Variants in ZFHX3 observed in about 807,000 individuals in gnomAD.
ZFHX3 encodes the protein zinc finger homeobox protein 3.
ZFHX3 carries 42 observed loss-of-function variants against 279.1 expected under a neutral mutation model. That is an observed-to-expected ratio of 0.15 (90% confidence interval 0.12 to 0.19). ZFHX3 has a LOEUF of 0.19. Among genes scored for constraint, ZFHX3 ranks in the 10% least tolerant of loss-of-function variants. The pLI, the probability that ZFHX3 is intolerant of heterozygous loss-of-function variation, is 1.00. For synonymous variants in ZFHX3, 2,293 were observed against 1,957.8 expected (o/e 1.17, Z -4.52); for missense variants, 4,981 against 4,754.0 (o/e 1.05, Z -1.40).
intron 3 of ZFHX3, among the ~76,000 whole-genome samples, chr16:73,414,456 T>G (rs2017530906): frequency 6.6e-6 from 1 of 152,262 alleles, no homozygotes; most frequent in Admixed American, 6.5e-5. Context: ...TGGGACAAAT[T>G]GGCCACTCGT....
chr16:73,773,487 A>T (rs1289329900), intron 1 of ZFHX3, among the ~76,000 whole-genome samples: 1 of 152,208 alleles, frequency 6.6e-6, no homozygotes, highest in Non-Finnish European at 1.5e-5. Flanking sequence ...GTCTCTGGGG[A>T]TAAGCAGTGA....
chr16:73,729,922 A>G (rs1308489541), intron 1 of ZFHX3, among the ~76,000 whole-genome samples: 3 of 152,204 alleles, frequency 2.0e-5, no homozygotes, highest in Non-Finnish European at 4.4e-5. Context: ...AAAAATATGT[A>G]CAGCTAACTA....
At chr16:72,816,095 A>G (rs1054259581) in intron 5 of ZFHX3, among the ~76,000 whole-genome samples, 2 of 152,174 alleles carry the variant, frequency 1.3e-5, no homozygotes, top group Non-Finnish European at 2.9e-5. Flanking sequence ...AAAAAAGACT[A>G]GAAGAAAATG....
At chr16:73,520,682 T>C (rs2019594970) in intron 2 of ZFHX3, among the ~76,000 whole-genome samples, 1 of 152,218 alleles carries the variant, frequency 6.6e-6, no homozygotes, top group South Asian at 2.1e-4. Flanking sequence ...AAATAAATGT[T>C]AATTGAATGA....
At chr16:73,738,009 G>A (rs1024997775) in intron 1 of ZFHX3, among the ~76,000 whole-genome samples, 1 of 152,110 alleles carries the variant, frequency 6.6e-6, no homozygotes, top group Non-Finnish European at 1.5e-5. Flanking sequence ...TTGAGATTTT[G>A]GGGGATTATC....
chr16:73,186,246 C>A (rs1567413136), intron 5 of ZFHX3, among the ~76,000 whole-genome samples: 1 of 152,080 alleles, frequency 6.6e-6, no homozygotes, highest in African/African-American at 2.4e-5. Context: ...AAGCCATGCC[C>A]CCTCACCATC....
chr16:73,820,661 G>A (rs1446071351), intron 1 of ZFHX3, among the ~76,000 whole-genome samples: 2 of 151,934 alleles, frequency 1.3e-5, no homozygotes, highest in Admixed American at 1.3e-4. Flanking sequence ...GCCCTGCTGA[G>A]CCCCATCAAT....
At chr16:72,916,179 C>T (rs376066302) in intron 3 of ZFHX3, among the ~76,000 whole-genome samples, 15 of 152,194 alleles carry the variant, frequency 9.9e-5, no homozygotes, top group East Asian at 3.8e-4. Context: ...CACTTCCCCC[C>T]CCTCCTCCGC....
At position 73,334,169 on chromosome 16, in the gene ZFHX3, A is replaced by T. The variant is rs550813771; in HGVS notation, c.-1290-15833T>A. Among the ~76,000 whole-genome samples, 4 of 152,266 alleles carry T rather than the reference A, an allele frequency of 2.6e-5. No individual in the cohort carries two copies. In the South Asian group the frequency reaches 8.3e-4, roughly 32 times the overall value. ...AGAATGGAGTCGCCACGGCCAGAGG[A>T]GGACAGCGTTCTAGGAAAGCAGAGG... On this transcript the variant is annotated intron_variant, in intron 3 of 17. Coordinates refer to the ZFHX3 transcript ENST00000641206.
chr16:73,322,261 G>A (rs549222049), intron 3 of ZFHX3, among the ~76,000 whole-genome samples: 33 of 146,154 alleles, frequency 2.3e-4, no homozygotes, highest in African/African-American at 7.1e-4. Flanking sequence ...AAGAGAGAAC[G>A]CATTTGAATC....
chr16:73,764,531 C>T (rs1217049290), intron 1 of ZFHX3, among the ~76,000 whole-genome samples: 3 of 152,024 alleles, frequency 2.0e-5, no homozygotes, highest in South Asian at 2.1e-4. Flanking sequence ...AGGTCAGCGG[C>T]TCTGTAAACT....
chr16:73,653,552 C>T (rs923684259), intron 2 of ZFHX3, among the ~76,000 whole-genome samples: 4 of 151,532 alleles, frequency 2.6e-5, no homozygotes, highest in African/African-American at 7.3e-5. Flanking sequence ...TAATGAAATA[C>T]ACTACATATA....
chr16:73,439,915 A>G (rs1567484681), intron 3 of ZFHX3, among the ~76,000 whole-genome samples: 2 of 147,122 alleles, frequency 1.4e-5, no homozygotes, highest in South Asian at 2.1e-4. Flanking sequence ...GGGACAAAAA[A>G]AAAAAAAAAA....
At chr16:73,437,210 C>T (rs763009989) in intron 3 of ZFHX3, among the ~76,000 whole-genome samples, 1 of 152,076 alleles carries the variant, frequency 6.6e-6, no homozygotes, top group African/African-American at 2.4e-5. Context: ...AACCTAATAC[C>T]GTATTTTGCA....
intron 1 of ZFHX3, among the ~76,000 whole-genome samples, chr16:73,773,630 C>T (rs192722083): frequency 5.9e-5 from 9 of 152,314 alleles, no homozygotes; most frequent in African/African-American, 2.2e-4. Context: ...CCGGGAAGGC[C>T]TGTCTCAGGT....
intron 2 of ZFHX3, among the ~76,000 whole-genome samples, chr16:73,604,901 T>A (rs780711965): frequency 1.3e-5 from 2 of 152,172 alleles, no homozygotes; most frequent in Non-Finnish European, 2.9e-5. Flanking sequence ...TGGGGTAGAC[T>A]GAGGCAGAAG....
chr16:73,416,822 C>G (rs9931368), intron 3 of ZFHX3, among the ~76,000 whole-genome samples: 1 of 145,972 alleles, frequency 6.9e-6, no homozygotes, highest in Non-Finnish European at 1.5e-5. Context: ...TGCAGTGAGC[C>G]GAGATCGCGC....
At chr16:73,868,672 G>A (rs1962091651) in intron 1 of ZFHX3, among the ~76,000 whole-genome samples, 1 of 152,150 alleles carries the variant, frequency 6.6e-6, no homozygotes, top group South Asian at 2.1e-4. Flanking sequence ...CTTAGACACT[G>A]TAAAAAACCT....
intron 1 of ZFHX3, among the ~76,000 whole-genome samples, chr16:72,980,033 G>C (rs866175380): frequency 6.6e-6 from 1 of 152,224 alleles, no homozygotes; most frequent in South Asian, 2.1e-4. Context: ...CTATTTCCCG[G>C]ATCTCTTTGT....
Sources: allele counts gnomAD v4.1 joint callset (sites outside exome capture counted in the v4.1 genomes callset), GRCh38; gene constraint gnomAD v4.1.1; transcripts MANE v1.5; gene names NCBI Gene and HGNC (gene_info 2026-07-23, HGNC 2026-07-21).